GATAD2B: variants seen among roughly 807,000 people sequenced by gnomAD.
GATAD2B encodes transcriptional repressor p66-beta.
Under a neutral mutation model 64.3 loss-of-function variants are expected in GATAD2B, and 8 were observed. The ratio of observed to expected loss-of-function variants is 0.12; its 90% confidence interval spans 0.07 to 0.22. The LOEUF (loss-of-function observed/expected upper bound fraction) is 0.22, where lower values mean the gene tolerates loss of function less well. GATAD2B is among the 10% of genes least tolerant of loss of function. The probability of loss-of-function intolerance (pLI) is 1.00; values close to 1 mark genes in which losing one functional copy is unlikely to be tolerated. For synonymous variants in GATAD2B, 281 were observed against 271.3 expected (o/e 1.04, Z -0.35); for missense variants, 453 against 752.0 (o/e 0.60, Z 4.65).
At chr1:153,917,776 G>GT (rs1418490249) in intron 1 of GATAD2B, among the ~76,000 whole-genome samples, 1 of 152,078 alleles carries the variant, frequency 6.6e-6, no homozygotes, top group Non-Finnish European at 1.5e-5. Flanking sequence ...TGCCTTCTAA[G>GT]ACCTACATCA....
At chr1:153,860,509 AT>A in intron 1 of GATAD2B, among the ~76,000 whole-genome samples, 1 of 151,234 alleles carries the variant, frequency 6.6e-6, no homozygotes, top group Non-Finnish European at 1.5e-5. Context: ...TAACTTTAAA[AT>A]TTTTTGCAGA....
intron 1 of GATAD2B, among the ~76,000 whole-genome samples, chr1:153,833,033 T>C (rs1675132341): frequency 6.6e-6 from 1 of 152,298 alleles, no homozygotes; most frequent in Admixed American, 6.5e-5. Flanking sequence ...CCAACAATTC[T>C]AAGGCCCTTA....
At chr1:153,834,202 C>T (rs1344970807) in intron 1 of GATAD2B, among the ~76,000 whole-genome samples, 1 of 151,228 alleles carries the variant, frequency 6.6e-6, no homozygotes, top group Non-Finnish European at 1.5e-5. Flanking sequence ...GATGGGGTTT[C>T]ACCGTGTCAG....
intron 1 of GATAD2B, among the ~76,000 whole-genome samples, chr1:153,903,396 G>T (rs1253942047): frequency 6.6e-6 from 1 of 152,112 alleles, no homozygotes; most frequent in Non-Finnish European, 1.5e-5. Flanking sequence ...TCATATCATT[G>T]CTCAGAGCCC....
At chr1:153,892,901 G>A (rs1677463362) in intron 1 of GATAD2B, among the ~76,000 whole-genome samples, 1 of 151,908 alleles carries the variant, frequency 6.6e-6, no homozygotes, top group African/African-American at 2.4e-5. Context: ...CACAATGTTG[G>A]CCAAGCTGAT....
At chr1:153,868,398 G>A (rs1340519637) in intron 1 of GATAD2B, among the ~76,000 whole-genome samples, 1 of 147,740 alleles carries the variant, frequency 6.8e-6, no homozygotes, top group Non-Finnish European at 1.5e-5. Flanking sequence ...CAGACAGCTG[G>A]ATTCTCATAG....
chr1:153,827,751 A>T, intron 2 of GATAD2B: 1 of 492,688 alleles, frequency 2.0e-6, no homozygotes. Flanking sequence ...CATTTGGCCT[A>T]TCAGCTCTCT....
intron 8 of GATAD2B, chr1:153,812,419 T>C (rs1674322400): frequency 2.8e-6 from 1 of 357,882 alleles, no homozygotes. Flanking sequence ...GCAAAAGAGT[T>C]TGGTGGGGGT....
intron 1 of GATAD2B, among the ~76,000 whole-genome samples, chr1:153,873,308 C>G (rs1275680105): frequency 1.3e-5 from 2 of 149,534 alleles, no homozygotes; most frequent in African/African-American, 4.8e-5. Context: ...GACAGCAAAT[C>G]TCTCTTCTTT....
intron 1 of GATAD2B, among the ~76,000 whole-genome samples, chr1:153,857,129 T>A (rs866254172): frequency 2.6e-5 from 3 of 115,604 alleles, no homozygotes; most frequent in Non-Finnish European, 3.8e-5. Context: ...AATATACATA[T>A]GCATATGCAT....
At chr1:153,828,457 C>CACACAT (rs1674961158) in intron 1 of GATAD2B, 109 bp from the exon 2 acceptor site, 1 of 100,898 alleles carries the variant, frequency 9.9e-6, no homozygotes, top group East Asian at 9.1e-5. Context: ...CTCACACATA[C>CACACAT]ACACACACAC....
chr1:153,864,485 C>T (rs1000817570), intron 1 of GATAD2B, among the ~76,000 whole-genome samples: 4 of 152,138 alleles, frequency 2.6e-5, no homozygotes, highest in Non-Finnish European at 4.4e-5. Flanking sequence ...AGTACAATGG[C>T]GCATGCCTAT....
At chr1:153,880,889 C>A (rs1442104717) in intron 1 of GATAD2B, among the ~76,000 whole-genome samples, 4 of 152,010 alleles carry the variant, frequency 2.6e-5, no homozygotes, top group African/African-American at 9.7e-5. Flanking sequence ...ACTACTTCTA[C>A]TAGGAACATG....
intron 1 of GATAD2B, among the ~76,000 whole-genome samples, chr1:153,847,358 A>T (rs1675723950): frequency 6.6e-6 from 1 of 152,172 alleles, no homozygotes; most frequent in Admixed American, 6.5e-5. Flanking sequence ...CAGCTGAGAA[A>T]CTAGACACAC....
rs869096882 is a variant in GATAD2B at position 153,820,974 on chromosome 1, A to ATTTTTTT, written c.336-1246_336-1240dup. 1.0e-3 allele frequency among the ~76,000 whole-genome samples: 51 copies of ATTTTTTT among 50,866 alleles called. 4 individuals are homozygous for ATTTTTTT. The highest frequency in any genetic ancestry group is 4.3e-3 in the African/African-American group (50 of 11,560). 33.4% of individuals were successfully genotyped at this position (50,866 alleles called of 152,430 possible). A position where few individuals can be genotyped will look rare whatever the true frequency, so the allele number is the denominator to read the frequency against. On this transcript the variant is annotated intron_variant, in intron 2 of 10. Coordinates refer to ENST00000368655, the MANE Select transcript of GATAD2B (RefSeq NM_020699.4). ...GTCCTAGTTGCTGTTGGCACATGGA[A>ATTTTTTT]TTTTTTTTTTTTTTTTTTTTTTTTT...
chr1:153,897,797 A>G (rs1677641924), intron 1 of GATAD2B, among the ~76,000 whole-genome samples: 1 of 152,116 alleles, frequency 6.6e-6, no homozygotes, highest in South Asian at 2.1e-4. Context: ...TTTTTAAAGA[A>G]TTGCTGAAAA....
chr1:153,830,620 C>G (rs1054727181), intron 1 of GATAD2B, among the ~76,000 whole-genome samples: 56 of 148,888 alleles, frequency 3.8e-4, no homozygotes, highest in South Asian at 4.2e-4. Context: ...GGACTACAGG[C>G]GCCCGCCACT....
chr1:153,890,265 GATCACAAA>G (rs1677334413), intron 1 of GATAD2B, among the ~76,000 whole-genome samples: 1 of 151,576 alleles, frequency 6.6e-6, no homozygotes. Flanking sequence ...CGAGGCGAGT[GATCACAAA>G]GTCAAGAGAT....
At chr1:153,897,213 T>C (rs190829240) in intron 1 of GATAD2B, among the ~76,000 whole-genome samples, 4 of 152,054 alleles carry the variant, frequency 2.6e-5, no homozygotes, top group Admixed American at 2.6e-4. Context: ...GTATTTTTAG[T>C]AGAGACGGGG....
Sources: gnomAD v4.1 joint callset for allele counts (sites outside exome capture counted in the v4.1 genomes callset) on GRCh38, gnomAD v4.1.1 for gene constraint, MANE v1.5 for transcripts, NCBI Gene and HGNC (gene_info 2026-07-23, HGNC 2026-07-21) for gene names.